The following FAM163B variants were observed in gnomAD, a reference collection of about 807,000 sequenced individuals.
The protein encoded by FAM163B is protein FAM163B.
FAM163B carries 4 observed loss-of-function variants against 7.6 expected under a neutral mutation model. The ratio of observed to expected loss-of-function variants is 0.52; its 90% CI spans 0.26 to 1.20. The LOEUF (loss-of-function observed/expected upper bound fraction) is 1.20. Ranked by LOEUF, FAM163B falls within the 50% of genes most tolerant of loss-of-function variation. FAM163B has a pLI of 0.14. For synonymous variants in FAM163B, 120 were observed against 111.6 expected (o/e 1.07, Z -0.47); for missense variants, 250 against 243.0 (o/e 1.03, Z -0.19).
chr9:133,602,179 G>A (rs1008745931), intron 1 of FAM163B, among the ~76,000 whole-genome samples: 2 of 148,560 alleles, frequency 1.3e-5, no homozygotes, highest in Admixed American at 6.9e-5. Context: ...ATAACAACAA[G>A]TTCCATCTGC....
At chr9:133,607,975 A>T (rs143696496) in intron 1 of FAM163B, among the ~76,000 whole-genome samples, 1 of 152,146 alleles carries the variant, frequency 6.6e-6, no homozygotes, top group Non-Finnish European at 1.5e-5. Flanking sequence ...TCTCAATTCT[A>T]TAAGAGGGAG....
chr9:133,603,076 G>A (rs1030243570), intron 1 of FAM163B, among the ~76,000 whole-genome samples: 3 of 152,220 alleles, frequency 2.0e-5, no homozygotes, highest in Non-Finnish European at 2.9e-5. Context: ...GCTCGCCTTC[G>A]GATTGGGAAA....
rs3025304 is a variant in FAM163B at position 133,593,649 on chromosome 9, G to T, written c.-23-13403C>A. Among the ~76,000 whole-genome samples the T allele has an allele frequency of 9.3e-3, 1,410 of 152,368 alleles. 13 individuals carry two copies. Among genetic ancestry groups the T allele is most frequent in the Non-Finnish European group, 0.013 (916 of 68,032 alleles). On this transcript the variant is annotated intron_variant, in intron 1 of 2. Coordinates refer to ENST00000673969, the MANE Select transcript of FAM163B (RefSeq NM_001080515.3). ...CCTCAGTCTTGTCTCTGAAACAGGAGAATTATGACAATCTCCAGCTTTCCT... is the reference window on the plus strand; with the variant it reads ...CCTCAGTCTTGTCTCTGAAACAGGATAATTATGACAATCTCCAGCTTTCCT...
chr9:133,579,299 G>A lies in FAM163B; in HGVS notation c.224C>T (p.Thr75Ile), dbSNP rs61742003. The A allele has an allele frequency of 4.5e-4, 725 of 1,613,500 alleles. 6 individuals carry two copies. In the African/African-American group the frequency reaches 9.2e-3, roughly 21 times the overall value. Residue 75 changes from threonine to isoleucine, a missense_variant, in exon 3 of 3, where the codon ACC becomes ATC. Physicochemically the swap from Thr to Ile is moderately conservative, Grantham distance 89. Coordinates refer to ENST00000673969, the MANE Select transcript of FAM163B (RefSeq NM_001080515.3). ...CTTCTGGCTGAAGGAGGTGGAGGCGGTGGGGTAGAGCGCCGGCCCGTTGGT... is the reference window on the plus strand; with the variant it reads ...CTTCTGGCTGAAGGAGGTGGAGGCGATGGGGTAGAGCGCCGGCCCGTTGGT... ...VLTNGPALYP[T>I]ASTSFSQKSP...
At position 133,578,412 on chromosome 9, in the gene FAM163B, AG is replaced by A. The variant is rs1356494883; in HGVS notation, c.*609del. ...TCTAGGGGGCAGCTGGTCCATCTTC[AG>A]GGAGCTCAGCACGTGTCTCAGCCTA... On this transcript the variant is annotated 3_prime_UTR_variant, in exon 3 of 3. Coordinates refer to ENST00000673969, the MANE Select transcript of FAM163B (RefSeq NM_001080515.3). The A allele has an allele frequency of 6.6e-6, 1 of 152,298 alleles. No individual in the cohort carries two copies. Among genetic ancestry groups the A allele is most frequent in the Non-Finnish European group, 1.5e-5 (1 of 68,124 alleles). The allele number at this position is 152,298 out of a possible 1,614,324, so 9.4% of individuals were successfully genotyped here. A position where few individuals can be genotyped will look rare whatever the true frequency, so the allele number is the denominator to read the frequency against.
chr9:133,606,403 A>C lies in FAM163B; in HGVS notation c.-24+2674T>G, dbSNP rs1052254476. On this transcript the variant is annotated intron_variant, in intron 1 of 2. Coordinates refer to ENST00000673969, the MANE Select transcript of FAM163B (RefSeq NM_001080515.3). This position sits in a 1 kb window ranked among gnomAD's most constrained non-coding sequence, Gnocchi z 4.0. ...AGATCCAGAAAGACTGAGACACTGC[A>C]AGAAGTACCAGTGCCAAGTGTGGCA... is the stretch of plus-strand genomic sequence containing the variant. 6.6e-6 allele frequency among the ~76,000 whole-genome samples: 1 copy of C among 152,186 alleles called. No individual in the cohort carries two copies. The highest frequency in any genetic ancestry group is 2.4e-5 in the African/African-American group (1 of 41,454).
At chr9:133,591,360 C>T (rs973597655) in intron 1 of FAM163B, among the ~76,000 whole-genome samples, 2 of 152,240 alleles carry the variant, frequency 1.3e-5, no homozygotes, top group Non-Finnish European at 1.5e-5. Context: ...GCACTGGCCA[C>T]CTGGGTGTCC....
At chr9:133,584,595 C>T (rs1831404990) in intron 1 of FAM163B, among the ~76,000 whole-genome samples, 1 of 152,246 alleles carries the variant, frequency 6.6e-6, no homozygotes, top group Admixed American at 6.5e-5. Flanking sequence ...CTTTGGCTCC[C>T]AAGGATACTT....
At chr9:133,598,602 A>AGAGGGAGG (rs924779273) in intron 1 of FAM163B, among the ~76,000 whole-genome samples, 1 of 130,586 alleles carries the variant, frequency 7.7e-6, no homozygotes, top group East Asian at 2.7e-4. Flanking sequence ...CTGGTGGGAG[A>AGAGGGAGG]GAGGGAGGGA....
At position 133,579,434 on chromosome 9, in the gene FAM163B, G is replaced by T; in HGVS notation, c.94-5C>A. On this transcript the variant is annotated splice_polypyrimidine_tract_variant and splice_region_variant and intron_variant, in intron 2 of 2. Transcript: ENST00000673969. ...GTCCTTCTTGCAGCAGTAGTACTGCGGGCAGAGGGACGGTGACCATGCGGC... is the reference window on the plus strand; with the variant it reads ...GTCCTTCTTGCAGCAGTAGTACTGCTGGCAGAGGGACGGTGACCATGCGGC... 6.3e-7 allele frequency: 1 copy of T among 1,587,728 alleles called. No individual in the cohort carries two copies. The highest frequency in any genetic ancestry group is 8.6e-7 in the Non-Finnish European group (1 of 1,167,494).
intron 1 of FAM163B, among the ~76,000 whole-genome samples, chr9:133,592,517 G>A (rs1232215552): frequency 6.6e-6 from 1 of 152,196 alleles, no homozygotes; most frequent in Non-Finnish European, 1.5e-5. Context: ...CACGCTGGCT[G>A]TGCTGAGGGG....
intron 1 of FAM163B, among the ~76,000 whole-genome samples, chr9:133,585,481 G>A (rs1184342993): frequency 1.3e-5 from 2 of 152,190 alleles, no homozygotes; most frequent in Non-Finnish European, 2.9e-5. Flanking sequence ...CCCAGCCCCC[G>A]CCACTGCCTT....
At chr9:133,593,936 C>G (rs1425312271) in intron 1 of FAM163B, among the ~76,000 whole-genome samples, 1 of 152,188 alleles carries the variant, frequency 6.6e-6, no homozygotes, top group African/African-American at 2.4e-5. Flanking sequence ...GCCACATCCA[C>G]TCCCCCTCTG....
rs146762709 is a variant in FAM163B at position 133,597,858 on chromosome 9, C to T, written c.-24+11219G>A. On this transcript the variant is annotated intron_variant, in intron 1 of 2. Coordinates refer to ENST00000673969, the MANE Select transcript of FAM163B (RefSeq NM_001080515.3). The stretch of plus-strand genomic sequence containing the variant: ...TTCGAGTGCTAAAAAAAAAGAAGGC[C>T]GTCAACCTGGAACGTGCAATCCAGA... Among the ~76,000 whole-genome samples the T allele has an allele frequency of 2.5e-3, 378 of 152,104 alleles. 1 individual carries two copies. Among genetic ancestry groups the T allele is most frequent in the African/African-American group, 8.5e-3 (353 of 41,470 alleles).
intron 1 of FAM163B, among the ~76,000 whole-genome samples, chr9:133,580,477 G>T (rs1177861530): frequency 6.6e-6 from 1 of 152,244 alleles, no homozygotes; most frequent in Non-Finnish European, 1.5e-5. Flanking sequence ...CACATCCGTA[G>T]AAGGTGGATG....
intron 1 of FAM163B, among the ~76,000 whole-genome samples, 184 bp from the exon 2 acceptor site, chr9:133,580,430 T>G (rs1831339552): frequency 6.6e-6 from 1 of 152,230 alleles, no homozygotes; most frequent in African/African-American, 2.4e-5. Flanking sequence ...CTGCCTCAGC[T>G]GGCCTCTGTC....
At chr9:133,608,799 C>T (rs1454777644) in intron 1 of FAM163B, among the ~76,000 whole-genome samples, 5 of 152,254 alleles carry the variant, frequency 3.3e-5, no homozygotes, top group Non-Finnish European at 7.3e-5. Flanking sequence ...TGCCCCCAGG[C>T]CACTGTTCCG....
chr9:133,578,823 C>A lies in FAM163B; in HGVS notation c.*199G>T. Reference sequence around the variant, plus strand: ...CCCAGGCCCCAGCTGTGCCTCCCCCCAGGACACATTTGTGTTCAATGAGCC... The same window carrying A: ...CCCAGGCCCCAGCTGTGCCTCCCCCAAGGACACATTTGTGTTCAATGAGCC... On this transcript the variant is annotated 3_prime_UTR_variant, in exon 3 of 3. Coordinates refer to ENST00000673969, the MANE Select transcript of FAM163B (RefSeq NM_001080515.3). 1 of 1,045,574 alleles carries A rather than the reference C, an allele frequency of 9.6e-7. No individual in the cohort carries two copies. 64.8% of individuals were successfully genotyped at this position (1,045,574 alleles called of 1,614,324 possible).
rs534382587 is a variant in FAM163B at position 133,579,163 on chromosome 9, G to C, written c.360C>G (p.Arg120=). 3.6e-5 allele frequency: 58 copies of C among 1,610,570 alleles called. No individual in the cohort carries two copies. Among genetic ancestry groups the C allele is most frequent in the Non-Finnish European group, 4.7e-5 (56 of 1,179,792 alleles). ...CCTGGCTCACGCTCTTGTAGAGCACGCGCTCCCCGCCGTTCAGCACGTCCT... is the reference window on the plus strand; with the variant it reads ...CCTGGCTCACGCTCTTGTAGAGCACCCGCTCCCCGCCGTTCAGCACGTCCT... ...EEEDVLNGGE[R]VLYKSVSQED... is the part of the protein sequence containing the mutation. Residue 120 remains arginine (R), a synonymous_variant, in exon 3 of 3, where the codon CGC becomes CGG. Coordinates refer to ENST00000673969, the MANE Select transcript of FAM163B (RefSeq NM_001080515.3).
Sources: gnomAD v4.1 joint callset for allele counts (sites outside exome capture counted in the v4.1 genomes callset) on GRCh38, gnomAD v4.1.1 for gene constraint, Gnocchi (gnomAD v3.1) non-coding constraint, MANE v1.5 for transcripts, NCBI Gene and HGNC (gene_info 2026-07-23, HGNC 2026-07-21) for gene names.